The following ATP8B4 variants were observed in gnomAD, a reference collection of about 807,000 sequenced individuals.
ATP8B4 encodes ATPase phospholipid transporting 8B4 (putative), also known as probable phospholipid-transporting ATPase IM.
ATP8B4 carries 133 observed loss-of-function variants against 145.6 expected under a neutral mutation model. That is an observed-to-expected ratio of 0.91 (90% CI 0.79 to 1.05). ATP8B4 has a LOEUF of 1.05. Ranked by LOEUF, ATP8B4 falls within the 50% of genes least tolerant of loss-of-function variation. The pLI, the probability that ATP8B4 is intolerant of heterozygous loss-of-function variation, is 0.00. For synonymous variants in ATP8B4, 507 were observed against 492.9 expected, an observed-to-expected ratio of 1.03 and a Z score of -0.38; for missense variants, 1,458 against 1,425.2, an observed-to-expected ratio of 1.02 and a Z score of -0.37.
chr15:50,104,630 G>A (rs998514486), intron 2 of ATP8B4, among the ~76,000 whole-genome samples: 1 of 152,146 alleles, frequency 6.6e-6, no homozygotes, highest in African/African-American at 2.4e-5. Context: ...TGGTGGGAAT[G>A]TAATCTAGTA....
chr15:49,991,226 T>C (rs917649903), intron 9 of ATP8B4, among the ~76,000 whole-genome samples: 1 of 152,156 alleles, frequency 6.6e-6, no homozygotes, highest in Non-Finnish European at 1.5e-5. Flanking sequence ...TTTTCCATGT[T>C]TTAATTACAC....
At chr15:49,863,874 C>A (rs541645770) in intron 26 of ATP8B4, among the ~76,000 whole-genome samples, 36 of 152,204 alleles carry the variant, frequency 2.4e-4, no homozygotes, top group Non-Finnish European at 4.6e-4. Context: ...TTCACTGGAG[C>A]TCAGTAATTA....
In ATP8B4 at chr15:50,072,990, A is replaced by ATG. The variant is rs2053911842; in HGVS notation, c.87+1136_87+1137insCA. Among the ~76,000 whole-genome samples, 9 of 23,562 alleles carry ATG rather than the reference A, an allele frequency of 3.8e-4. 1 individual carries two copies. The highest frequency in any genetic ancestry group is 2.0e-3 in the African/African-American group (8 of 3,932). 15.5% of individuals were successfully genotyped at this position (23,562 alleles called of 152,430 possible). A position where few individuals can be genotyped will look rare whatever the true frequency, so the allele number is the denominator to read the frequency against. ...TCTCTCTCTCTCTCTCTATATATAT[A>ATG]TATATATATATATATATATATATAT... On this transcript the variant is annotated intron_variant, in intron 3 of 27. Transcript: ENST00000284509.
At chr15:49,912,295 AAAAG>A (rs2153446901) in intron 20 of ATP8B4, among the ~76,000 whole-genome samples, 1 of 152,254 alleles carries the variant, frequency 6.6e-6, no homozygotes, top group South Asian at 2.1e-4. Flanking sequence ...AACCAAGAAA[AAAAG>A]AGAGAGGATC....
At chr15:49,928,618 T>C (rs1425641518) in intron 16 of ATP8B4, among the ~76,000 whole-genome samples, 1 of 152,058 alleles carries the variant, frequency 6.6e-6, no homozygotes, top group African/African-American at 2.4e-5. Flanking sequence ...CATAGAGGAT[T>C]ATTTTAAAAG....
intron 1 of ATP8B4, among the ~76,000 whole-genome samples, chr15:50,146,223 A>G (rs571942121): frequency 1.2e-3 from 188 of 152,200 alleles, no homozygotes; most frequent in African/African-American, 4.5e-3. Flanking sequence ...CATCTTGGCC[A>G]GGCTGGTCTT....
Position 49,934,145 on chromosome 15 carries a change from G to T in ATP8B4, c.1325C>A (p.Ala442Glu). Reference sequence around the variant, plus strand: ...GTCAAAGAACTGAAATTCTCTATCCGCTTGAGATTTGACTGAGAAATCCAC... The same window carrying T: ...GTCAAAGAACTGAAATTCTCTATCCTCTTGAGATTTGACTGAGAAATCCAC... ...EPVDFSVKSQ[A>E]DREFQFFDHH... Residue 442 changes from alanine (A) to glutamate (E), a missense_variant, in exon 15 of 28, where the codon GCG (alanine) becomes GAG (glutamate). Coordinates refer to ENST00000284509, the MANE Select transcript of ATP8B4 (RefSeq NM_024837.4). 6.2e-7 allele frequency: 1 copy of T among 1,611,758 alleles called. No individual in the cohort carries two copies. The highest frequency in any genetic ancestry group is 2.2e-5 in the East Asian group (1 of 44,792).
Position 50,111,320 on chromosome 15 carries a change from C to T in ATP8B4, c.-42-4312G>A, listed in dbSNP as rs12593684. On this transcript the variant is annotated intron_variant, in intron 1 of 27. Transcript: ENST00000284509. ...AATTTGCTTTCCCACAGAAGCCTGC[C>T]CACAGGGAAAGAATGCACTTGTCAT... Among the ~76,000 whole-genome samples, 4 of 152,308 alleles carry T rather than the reference C, an allele frequency of 2.6e-5. No homozygotes were observed. In the East Asian group the frequency reaches 7.7e-4, roughly 29 times the overall value.
intron 1 of ATP8B4, among the ~76,000 whole-genome samples, chr15:50,170,242 T>C (rs2044651175): frequency 6.6e-6 from 1 of 152,170 alleles, no homozygotes; most frequent in East Asian, 1.9e-4. Flanking sequence ...TATACAAAGA[T>C]GAAGAAAAGA....
chr15:50,108,468 C>T (rs1207289188), intron 1 of ATP8B4, among the ~76,000 whole-genome samples: 1 of 152,156 alleles, frequency 6.6e-6, no homozygotes, highest in Admixed American at 6.5e-5. Flanking sequence ...GATCCCTGCT[C>T]ATCTTTCCAG....
chr15:49,955,840 A>C (rs1274301989), intron 14 of ATP8B4, among the ~76,000 whole-genome samples: 3 of 152,220 alleles, frequency 2.0e-5, no homozygotes, highest in African/African-American at 7.2e-5. Flanking sequence ...AACATGAAAT[A>C]AAATGGTTCT....
intron 2 of ATP8B4, among the ~76,000 whole-genome samples, chr15:50,077,858 C>A (rs1447091386): frequency 1.3e-5 from 2 of 152,106 alleles, no homozygotes; most frequent in Non-Finnish European, 2.9e-5. Context: ...GTAAAGCCTG[C>A]CTGACTGGGG....
At chr15:50,086,749 T>TATA (rs1225410046) in intron 2 of ATP8B4, among the ~76,000 whole-genome samples, 6 of 42,576 alleles carry the variant, frequency 1.4e-4, no homozygotes, top group East Asian at 6.6e-4. Context: ...ATTTATTATA[T>TATA]ATAAAATAAT....
intron 23 of ATP8B4, among the ~76,000 whole-genome samples, chr15:49,885,065 G>A (rs914417828): frequency 8.5e-5 from 13 of 152,146 alleles, no homozygotes; most frequent in African/African-American, 2.9e-4. Context: ...CATTTTACTT[G>A]GAATGAATCC....
intron 7 of ATP8B4, among the ~76,000 whole-genome samples, chr15:50,005,904 T>A (rs553789120): frequency 6.6e-6 from 1 of 150,968 alleles, no homozygotes; most frequent in South Asian, 2.1e-4. Context: ...TAGAATTAAG[T>A]TGAACACTTT....
At chr15:50,168,149 G>A (rs1027599899) in intron 1 of ATP8B4, among the ~76,000 whole-genome samples, 2 of 152,198 alleles carry the variant, frequency 1.3e-5, no homozygotes, top group Non-Finnish European at 2.9e-5. Flanking sequence ...AAGGACCTAA[G>A]TAGTAAAGAA....
At chr15:50,032,946 G>GA (rs567515553) in intron 6 of ATP8B4, among the ~76,000 whole-genome samples, 2 of 151,716 alleles carry the variant, frequency 1.3e-5, no homozygotes, top group South Asian at 2.1e-4. Flanking sequence ...TTTTATAAAG[G>GA]AAAAAAATAT....
At chr15:50,136,424 T>A (rs1199335344) in intron 1 of ATP8B4, among the ~76,000 whole-genome samples, 1 of 152,116 alleles carries the variant, frequency 6.6e-6, no homozygotes, top group African/African-American at 2.4e-5. Context: ...GGAGAAAAAT[T>A]AAAAAGCCAG....
At chr15:49,876,653 C>A (rs2034475078) in intron 24 of ATP8B4, 130 bp from the exon 25 acceptor site, 1 of 1,239,414 alleles carries the variant, frequency 8.1e-7, no homozygotes, top group Non-Finnish European at 1.2e-6. Context: ...TGGGCCAGAA[C>A]AGGACATTAT....
Sources: gnomAD v4.1 joint callset for allele counts (sites outside exome capture counted in the v4.1 genomes callset) on GRCh38, gnomAD v4.1.1 for gene constraint, MANE v1.5 for transcripts, NCBI Gene and HGNC (gene_info 2026-07-23, HGNC 2026-07-21) for gene names.